The following DYNC2H1 variants were observed in gnomAD, a reference collection of about 807,000 sequenced individuals.
DYNC2H1 encodes the protein dynein cytoplasmic 2 heavy chain 1.
DYNC2H1 carries 410 observed loss-of-function variants against 570.0 expected under a neutral mutation model. The ratio of observed to expected loss-of-function variants is 0.72; its 90% CI spans 0.66 to 0.78. DYNC2H1 has a LOEUF of 0.78. Ranked by LOEUF, DYNC2H1 falls within the 30% of genes least tolerant of loss-of-function variation. DYNC2H1 has a pLI of 0.00. For synonymous variants in DYNC2H1, 1,688 were observed against 1,677.6 expected (o/e 1.01, Z -0.15); for missense variants, 4,865 against 5,046.4 (o/e 0.96, Z 1.09).
chr11:103,454,966 C>G (rs1225643720), intron 85 of DYNC2H1: 1 of 447,506 alleles, frequency 2.2e-6, no homozygotes, highest in East Asian at 3.4e-5. Flanking sequence ...TTTTTACCAA[C>G]AAACAATTGT....
intron 78 of DYNC2H1, among the ~76,000 whole-genome samples, chr11:103,311,045 A>T (rs1284919873): frequency 2.0e-5 from 3 of 152,028 alleles, no homozygotes; most frequent in African/African-American, 7.2e-5. Context: ...AATAACAATG[A>T]AAAGGATTTC....
intron 85 of DYNC2H1, 84 bp downstream of exon 85, chr11:103,436,116 G>A: frequency 8.6e-7 from 1 of 1,156,250 alleles, no homozygotes; most frequent in Non-Finnish European, 1.2e-6. Context: ...AATCACTAGT[G>A]AGAATTACAC....
chr11:103,383,387 A>C (rs1941736770), intron 83 of DYNC2H1, among the ~76,000 whole-genome samples: 1 of 151,906 alleles, frequency 6.6e-6, no homozygotes. Flanking sequence ...ATGCCTTTTC[A>C]TTTGCACGTC....
chr11:103,402,919 G>A (rs1272169061), intron 84 of DYNC2H1: 1 of 152,090 alleles, frequency 6.6e-6, no homozygotes, highest in Non-Finnish European at 1.5e-5. Flanking sequence ...TAAACTGGAA[G>A]CCTGTAATGA....
At chr11:103,373,261 G>C (rs1027639116) in intron 83 of DYNC2H1, among the ~76,000 whole-genome samples, 1 of 151,916 alleles carries the variant, frequency 6.6e-6, no homozygotes, top group Non-Finnish European at 1.5e-5. Flanking sequence ...AATTTATCTT[G>C]GTAGATTGTA....
At chr11:103,445,030 G>C (rs1412377979) in intron 85 of DYNC2H1, among the ~76,000 whole-genome samples, 5 of 152,198 alleles carry the variant, frequency 3.3e-5, no homozygotes, top group African/African-American at 1.2e-4. Flanking sequence ...AGCCTGACCA[G>C]TTAAGAGGTT....
At position 103,305,962 on chromosome 11, in the gene DYNC2H1, A is replaced by G. The variant is rs568920720; in HGVS notation, c.11382+1242A>G. On this transcript the variant is annotated intron_variant, in intron 77 of 88. Coordinates refer to ENST00000375735, the MANE Select transcript of DYNC2H1 (RefSeq NM_001377.3). This position sits in a 1 kb window ranked among gnomAD's most constrained non-coding sequence, Gnocchi z 4.3. ...AATCTTGCTCTGTTACCCAGGCTGG[A>G]GTGCAGTGGCACAAGTTTGGCTCAC... Among the ~76,000 whole-genome samples, 1 of 152,264 alleles carries G rather than the reference A, an allele frequency of 6.6e-6. No individual in the cohort carries two copies. The highest frequency in any genetic ancestry group is 2.4e-5 in the African/African-American group (1 of 41,538).
rs763639664 is a variant in DYNC2H1, at chr11:103,189,831, A to G, written c.7437+15A>G. 6.3e-7 allele frequency: 1 copy of G among 1,578,560 alleles called. No individual in the cohort carries two copies. Among genetic ancestry groups the G allele is most frequent in the South Asian group, 1.2e-5 (1 of 84,692 alleles). On this transcript the variant is annotated intron_variant, in intron 45 of 88. Transcript: ENST00000375735. This position sits in a 1 kb window ranked among gnomAD's most constrained non-coding sequence, Gnocchi z 4.3. ...TGTATGAACAGGTAGATATGCATCTAAATTGTAGCTTTCATGTCTATTAGT... is the reference window on the plus strand; with the variant it reads ...TGTATGAACAGGTAGATATGCATCTGAATTGTAGCTTTCATGTCTATTAGT...
intron 55 of DYNC2H1, among the ~76,000 whole-genome samples, chr11:103,216,674 C>T (rs1863397505): frequency 6.6e-6 from 1 of 151,956 alleles, no homozygotes; most frequent in Non-Finnish European, 1.5e-5. Flanking sequence ...TGCCTATAGT[C>T]CCAGCTACTC....
intron 86 of DYNC2H1, 108 bp from the exon 87 acceptor site, chr11:103,456,167 A>C: frequency 1.3e-6 from 1 of 778,786 alleles, no homozygotes; most frequent in Non-Finnish European, 1.9e-6. Flanking sequence ...TTATTTACAC[A>C]TGGTAAATAT....
Position 103,201,008 on chromosome 11 carries a change from G to A in DYNC2H1, c.8197+854G>A, listed in dbSNP as rs369306163. On this transcript the variant is annotated intron_variant, in intron 50 of 88. Coordinates refer to ENST00000375735, the MANE Select transcript of DYNC2H1 (RefSeq NM_001377.3). The surrounding 1 kb of genome is among the most constrained non-coding windows in gnomAD (Gnocchi z 4.8). The stretch of plus-strand genomic sequence containing the variant: ...TGCCTGGCTAATTTTTGTAATTTTA[G>A]TAGAAACAGGGTTTCACCATGTTGG... Among the ~76,000 whole-genome samples the A allele has an allele frequency of 6.6e-6, 1 of 151,970 alleles. No individual in the cohort carries two copies. Among genetic ancestry groups the A allele is most frequent in the African/African-American group, 2.4e-5 (1 of 41,394 alleles).
In DYNC2H1 at chr11:103,205,567, A is replaced by C. The variant is rs1424758458; in HGVS notation, c.8454+603A>C. 2.0e-5 allele frequency among the ~76,000 whole-genome samples: 3 copies of C among 152,178 alleles called. No individual in the cohort carries two copies. The highest frequency in any genetic ancestry group is 4.4e-5 in the Non-Finnish European group (3 of 68,030). ...TTACAGATGAGGTAATATTTTAGTT[A>C]CTGAAAGATATTTTAGCTTGAGGAG... On this transcript the variant is annotated intron_variant, in intron 52 of 88. Coordinates refer to ENST00000375735, the MANE Select transcript of DYNC2H1 (RefSeq NM_001377.3). This position sits in a 1 kb window ranked among gnomAD's most constrained non-coding sequence, Gnocchi z 4.5.
In DYNC2H1 at chr11:103,449,278, T is replaced by C. The variant is rs574819336; in HGVS notation, c.12457-5908T>C. On this transcript the variant is annotated intron_variant, in intron 85 of 88. Transcript: ENST00000375735. ...TTAGAATTCAGGCAGGAACAGACAATGCAGGCGTTGTCTGCTATCAAAAGG... is the reference window on the plus strand; with the variant it reads ...TTAGAATTCAGGCAGGAACAGACAACGCAGGCGTTGTCTGCTATCAAAAGG... Among the ~76,000 whole-genome samples, 409 of 152,268 alleles carry C rather than the reference T, an allele frequency of 2.7e-3. 3 individuals carry two copies. Among genetic ancestry groups the C allele is most frequent in the African/African-American group, 9.4e-3 (392 of 41,574 alleles).
intron 85 of DYNC2H1, among the ~76,000 whole-genome samples, chr11:103,443,248 A>G (rs1398107452): frequency 6.6e-6 from 1 of 152,014 alleles, no homozygotes; most frequent in East Asian, 1.9e-4. Context: ...TCCACTGTCA[A>G]TAATTGCATT....
In DYNC2H1 at chr11:103,286,504, G is replaced by A. The variant is rs1028646031; in HGVS notation, c.11022+118G>A. ...TTACTTTACCTTTAATGGCGTATTTGGGGAAGGGCTTGATCCTTTTGCCAC... is the reference window on the plus strand; with the variant it reads ...TTACTTTACCTTTAATGGCGTATTTAGGGAAGGGCTTGATCCTTTTGCCAC... On this transcript the variant is annotated intron_variant, in intron 74 of 88. Coordinates refer to ENST00000375735, the MANE Select transcript of DYNC2H1 (RefSeq NM_001377.3). 8.2e-6 allele frequency: 10 copies of A among 1,218,734 alleles called. No homozygotes were observed. In the African/African-American group the frequency reaches 1.4e-4, roughly 17 times the overall value. 75.5% of individuals were successfully genotyped at this position (1,218,734 alleles called of 1,614,324 possible). A position where few individuals can be genotyped will look rare whatever the true frequency, so the allele number is the denominator to read the frequency against.
At position 103,125,392 on chromosome 11, in the gene DYNC2H1, A is replaced by G. The variant is rs1858942556; in HGVS notation, c.1857+97A>G. 4.2e-5 allele frequency: 38 copies of G among 910,286 alleles called. No individual in the cohort carries two copies. In the East Asian group the frequency reaches 1.1e-3, roughly 25 times the overall value. 56.4% of individuals were successfully genotyped at this position (910,286 alleles called of 1,614,324 possible). A position where few individuals can be genotyped will look rare whatever the true frequency, so the allele number is the denominator to read the frequency against. ...TTTTTTTTTTTTTTTTTTTAGGCTC[A>G]TAGAATAGCACTGCCAGCTGTGAAA... On this transcript the variant is annotated intron_variant, in intron 12 of 88. Transcript: ENST00000375735.
chr11:103,168,376 A>G (rs929544662), intron 31 of DYNC2H1, among the ~76,000 whole-genome samples: 7 of 152,144 alleles, frequency 4.6e-5, no homozygotes, highest in Admixed American at 4.6e-4. Flanking sequence ...TGTCTCTTCT[A>G]ATTCTGGTCT....
rs1234190462 is a variant in DYNC2H1 at position 103,299,866 on chromosome 11, A to T, written c.11096-3227A>T. On this transcript the variant is annotated intron_variant, in intron 75 of 88. Coordinates refer to ENST00000375735, the MANE Select transcript of DYNC2H1 (RefSeq NM_001377.3). This position sits in a 1 kb window ranked among gnomAD's most constrained non-coding sequence, Gnocchi z 4.5. ...TTTAGAATTCTGCCTACCACAATAT[A>T]TTTGACATTTTTACTTGTTTCTAGG... Among the ~76,000 whole-genome samples the T allele has an allele frequency of 2.0e-5, 3 of 151,972 alleles. No individual in the cohort carries two copies. Among genetic ancestry groups the T allele is most frequent in the Non-Finnish European group, 4.4e-5 (3 of 67,962 alleles).
At chr11:103,273,149 T>C (rs1020196344) in intron 70 of DYNC2H1, among the ~76,000 whole-genome samples, 4 of 148,942 alleles carry the variant, frequency 2.7e-5, no homozygotes, top group African/African-American at 9.8e-5. Flanking sequence ...TCCCCTTTTC[T>C]TTTCTTTTTC....
Sources: gnomAD v4.1 joint callset for allele counts (sites outside exome capture counted in the v4.1 genomes callset) on GRCh38, gnomAD v4.1.1 for gene constraint, Gnocchi (gnomAD v3.1) non-coding constraint, MANE v1.5 for transcripts, NCBI Gene and HGNC (gene_info 2026-07-23, HGNC 2026-07-21) for gene names.